Variants in PDE1C observed in about 807,000 individuals in gnomAD.
PDE1C encodes the protein phosphodiesterase 1C.
PDE1C carries 62 observed loss-of-function variants against 93.1 expected under a neutral mutation model. The observed-to-expected ratio is 0.67, with a 90% CI of 0.54 to 0.82. The LOEUF (loss-of-function observed/expected upper bound fraction) is 0.82, where lower values mean the gene tolerates loss of function less well. Among genes scored for constraint, PDE1C ranks in the 40% least tolerant of loss-of-function variants. PDE1C has a pLI of 0.00. For synonymous variants in PDE1C, 325 were observed against 310.1 expected, an observed-to-expected ratio of 1.05 and a Z score of -0.50; for missense variants, 742 against 884.6, an observed-to-expected ratio of 0.84 and a Z score of 2.04.
chr7:31,970,680 C>T (rs1810822666), intron 2 of PDE1C, among the ~76,000 whole-genome samples: 2 of 152,222 alleles, frequency 1.3e-5, no homozygotes, highest in Admixed American at 1.3e-4. Flanking sequence ...TCTATTTAGT[C>T]ACTTCCCTCA....
chr7:31,778,652 G>A (rs1217159762), intron 16 of PDE1C, among the ~76,000 whole-genome samples: 3 of 152,320 alleles, frequency 2.0e-5, no homozygotes, highest in African/African-American at 4.8e-5. Flanking sequence ...ATTTAGAGAT[G>A]TGGTTCCCAA....
At position 32,374,256 on chromosome 7, in the gene PDE1C, GAAGAAAGAAAGAAAGA is replaced by G. The variant is rs34264888; in HGVS notation, c.310+53550_310+53565del. On this transcript the variant is annotated intron_variant, in intron 1 of 1. Transcript: ENST00000672256. Reference sequence around the variant, plus strand: ...AAAGAAAGAAGGAAGGAAAGGAAAGGAAGAAAGAAAGAAAGAAAGAAAGAAAGAAAGAAAGAAAGAA... The same window carrying G: ...AAAGAAAGAAGGAAGGAAAGGAAAGGAAGAAAGAAAGAAAGAAAGAAAGAA... Among the ~76,000 whole-genome samples the G allele has an allele frequency of 5.4e-3, 609 of 113,334 alleles. 5 individuals are homozygous for G. The highest frequency in any genetic ancestry group is 0.018 in the Middle Eastern group (4 of 218). 74.4% of individuals were successfully genotyped at this position (113,334 alleles called of 152,430 possible). A position where few individuals can be genotyped will look rare whatever the true frequency, so the allele number is the denominator to read the frequency against.
chr7:31,959,826 C>A (rs2129029610), intron 2 of PDE1C, among the ~76,000 whole-genome samples: 1 of 151,886 alleles, frequency 6.6e-6, no homozygotes, highest in South Asian at 2.1e-4. Flanking sequence ...TTTAAATTAT[C>A]AATATGTAGA....
chr7:32,029,397 T>C (rs1412571304), intron 2 of PDE1C, among the ~76,000 whole-genome samples: 2 of 152,184 alleles, frequency 1.3e-5, no homozygotes, highest in Admixed American at 6.6e-5. Context: ...TGCACTCCCA[T>C]GTTCAATGCA....
At chr7:31,902,886 T>C (rs1212759442) in intron 2 of PDE1C, among the ~76,000 whole-genome samples, 1 of 151,714 alleles carries the variant, frequency 6.6e-6, no homozygotes, top group Non-Finnish European at 1.5e-5. Flanking sequence ...ACTTATCAGT[T>C]ACCTGATAGA....
chr7:31,979,850 A>G (rs1812150388), intron 2 of PDE1C, among the ~76,000 whole-genome samples: 1 of 152,234 alleles, frequency 6.6e-6, no homozygotes, highest in African/African-American at 2.4e-5. Context: ...GTCAACAACT[A>G]CAGCAGATGC....
chr7:32,072,555 G>T (rs532915638), upstream of PDE1C, among the ~76,000 whole-genome samples: 1 of 152,326 alleles, frequency 6.6e-6, no homozygotes, highest in Non-Finnish European at 1.5e-5. Context: ...CCCAAATGGG[G>T]TATTTCCATT....
chr7:31,721,946 A>C, the PDE1C span, among the ~76,000 whole-genome samples: 15 of 150,826 alleles, frequency 9.9e-5, no homozygotes, highest in East Asian at 3.0e-3. Context: ...GAAGGAGATA[A>C]TGTCTCAGAA....
chr7:32,017,262 A>T (rs1788031972), intron 2 of PDE1C, among the ~76,000 whole-genome samples: 1 of 152,192 alleles, frequency 6.6e-6, no homozygotes, highest in Non-Finnish European at 1.5e-5. Flanking sequence ...TCTTTTCAAG[A>T]AATGGTACTG....
At chr7:31,643,931 C>T in the PDE1C span, 2 of 1,612,134 alleles carry the variant, frequency 1.2e-6, no homozygotes, top group African/African-American at 1.3e-5. Context: ...CTTCAGGACA[C>T]TACAGTGAGG....
At chr7:31,910,329 T>A (rs773018503) in intron 2 of PDE1C, among the ~76,000 whole-genome samples, 1 of 152,168 alleles carries the variant, frequency 6.6e-6, no homozygotes, top group African/African-American at 2.4e-5. Flanking sequence ...TTCATTTTGT[T>A]GGCACTTAAT....
intron 2 of PDE1C, among the ~76,000 whole-genome samples, chr7:31,984,412 G>C (rs1276171455): frequency 6.6e-6 from 1 of 152,104 alleles, no homozygotes; most frequent in Non-Finnish European, 1.5e-5. Flanking sequence ...TGGGTCCCTG[G>C]TGCCAAAAAG....
the PDE1C span, among the ~76,000 whole-genome samples, chr7:31,625,333 T>A: frequency 6.6e-6 from 1 of 151,960 alleles, no homozygotes; most frequent in Admixed American, 6.5e-5. Flanking sequence ...ATATGTTTAT[T>A]GCGGCACTAT....
chr7:31,866,673 C>T (rs1385893639), intron 6 of PDE1C, among the ~76,000 whole-genome samples: 1 of 152,164 alleles, frequency 6.6e-6, no homozygotes, highest in Non-Finnish European at 1.5e-5. Flanking sequence ...TAGATAATCA[C>T]ATTTCAAATA....
At chr7:31,789,517 A>C in intron 16 of PDE1C, 1 of 416,310 alleles carries the variant, frequency 2.4e-6, no homozygotes, top group Non-Finnish European at 3.2e-6. Flanking sequence ...CCCACTCAAC[A>C]GTACAGTCAC....
chr7:31,670,388 G>A, the PDE1C span, among the ~76,000 whole-genome samples: 1 of 152,068 alleles, frequency 6.6e-6, no homozygotes, highest in Non-Finnish European at 1.5e-5. Context: ...ATAAAATTGA[G>A]CCATCCCCCC....
chr7:31,698,138 A>C, the PDE1C span, among the ~76,000 whole-genome samples: 1 of 152,162 alleles, frequency 6.6e-6, no homozygotes, highest in Non-Finnish European at 1.5e-5. Context: ...CAGAAGAAAC[A>C]CTCTGGGGAG....
chr7:32,177,909 C>G (rs1803121535), intron 2 of PDE1C, among the ~76,000 whole-genome samples: 1 of 152,154 alleles, frequency 6.6e-6, no homozygotes, highest in Non-Finnish European at 1.5e-5. Context: ...CTACAGGGAT[C>G]ACAGAGAAGG....
At chr7:32,136,313 A>AT (rs112280134) in intron 3 of PDE1C, among the ~76,000 whole-genome samples, 1 of 152,212 alleles carries the variant, frequency 6.6e-6, no homozygotes, top group East Asian at 1.9e-4. Context: ...TCTGACAGAT[A>AT]TTTAAAAAAA....
Sources: gnomAD v4.1 joint callset for allele counts (sites outside exome capture counted in the v4.1 genomes callset) on GRCh38, gnomAD v4.1.1 for gene constraint, MANE v1.5 for transcripts, NCBI Gene and HGNC (gene_info 2026-07-23, HGNC 2026-07-21) for gene names.